Variants in RIMS2 observed in about 807,000 individuals in gnomAD.
RIMS2 encodes regulating synaptic membrane exocytosis 2.
A neutral mutation model predicts 174.4 loss-of-function variants in RIMS2; 59 were observed. The observed-to-expected ratio is 0.34, with a 90% CI of 0.27 to 0.42. The LOEUF (loss-of-function observed/expected upper bound fraction) is 0.42. Ranked by LOEUF, RIMS2 falls within the 10% of genes least tolerant of loss-of-function variation. The pLI is 1.00. For synonymous variants in RIMS2, 606 were observed against 572.5 expected, an observed-to-expected ratio of 1.06 and a Z score of -0.84; for missense variants, 1,620 against 1,666.3, an observed-to-expected ratio of 0.97 and a Z score of 0.48.
At chr8:103,973,922 T>G (rs1229457864) in intron 15 of RIMS2, among the ~76,000 whole-genome samples, 1 of 152,164 alleles carries the variant, frequency 6.6e-6, no homozygotes, top group Non-Finnish European at 1.5e-5. Flanking sequence ...GAGAATTGCC[T>G]GGTCAAATGG....
chr8:104,073,733 G>T (rs1009861172), intron 19 of RIMS2, among the ~76,000 whole-genome samples: 2 of 152,142 alleles, frequency 1.3e-5, no homozygotes, highest in African/African-American at 4.8e-5. Flanking sequence ...TCCATTTATT[G>T]TGCATGCCTG....
At chr8:103,852,195 G>A (rs930578814) in intron 3 of RIMS2, among the ~76,000 whole-genome samples, 5 of 151,950 alleles carry the variant, frequency 3.3e-5, no homozygotes. Flanking sequence ...TGCCTGAGGG[G>A]AATTAGCATT....
chr8:103,977,958 G>C (rs1461272477), intron 16 of RIMS2, among the ~76,000 whole-genome samples: 1 of 152,200 alleles, frequency 6.6e-6, no homozygotes, highest in Admixed American at 6.5e-5. Flanking sequence ...TCTTTCTGTA[G>C]GTCAGTAGGT....
At chr8:104,191,244 T>C (rs973231732) in intron 19 of RIMS2, among the ~76,000 whole-genome samples, 1 of 152,112 alleles carries the variant, frequency 6.6e-6, no homozygotes, top group African/African-American at 2.4e-5. Context: ...TAAGTCTTAG[T>C]TGTATAAAGA....
chr8:103,927,817 T>G lies in RIMS2; in HGVS notation c.2197-25T>G, dbSNP rs1229631735. On this transcript the variant is annotated intron_variant, in intron 10 of 23. Coordinates refer to ENST00000504942, the Ensembl canonical transcript of RIMS2. ...GTCCTTTTTGGTTTTGTTTTATTGC[T>G]TTTTTCTTTAATTTTGCTTACCAGA... 1.1e-5 allele frequency: 17 copies of G among 1,577,976 alleles called. No individual in the cohort carries two copies. In the South Asian group the frequency reaches 1.6e-4, roughly 15 times the overall value.
intron 19 of RIMS2, among the ~76,000 whole-genome samples, chr8:104,055,226 C>T (rs373483348): frequency 1.1e-3 from 163 of 152,078 alleles, no homozygotes; most frequent in South Asian, 7.3e-3. Context: ...CATTTTAATG[C>T]CATAGTTAAT....
chr8:104,177,645 T>C (rs1437899234), intron 19 of RIMS2, among the ~76,000 whole-genome samples: 1 of 152,168 alleles, frequency 6.6e-6, no homozygotes, highest in East Asian at 1.9e-4. Context: ...TAAGATAATC[T>C]GCTATTTTCA....
intron 4 of RIMS2, among the ~76,000 whole-genome samples, chr8:103,888,327 AAT>A (rs1256611802): frequency 6.6e-6 from 1 of 151,512 alleles, no homozygotes; most frequent in Non-Finnish European, 1.5e-5. Flanking sequence ...TGCTTATTAA[AAT>A]ATAGTTATCT....
chr8:104,238,649 A>G (rs1331008701), intron 19 of RIMS2, among the ~76,000 whole-genome samples: 1 of 152,130 alleles, frequency 6.6e-6, no homozygotes, highest in Non-Finnish European at 1.5e-5. Context: ...TCTTCTACCA[A>G]AGACAAACTA....
chr8:103,502,529 G>A (rs1657797115), intron 1 of RIMS2, among the ~76,000 whole-genome samples: 1 of 152,082 alleles, frequency 6.6e-6, no homozygotes, highest in Non-Finnish European at 1.5e-5. Context: ...TTTATTAACA[G>A]CCTTCAGATA....
In RIMS2 at chr8:103,912,048, G is replaced by A. The variant is rs774196611; in HGVS notation, c.1693-5G>A. 10 of 1,564,790 alleles carry A rather than the reference G, an allele frequency of 6.4e-6. No homozygotes were observed. The highest frequency in any genetic ancestry group is 1.8e-5 in the Admixed American group (1 of 56,422). ...TTTATTTTGTTTGTTGATGCAAAAT[G>A]TCAGCACCCTGTAACCTGGCAACCA... On this transcript the variant is annotated splice_region_variant and splice_polypyrimidine_tract_variant and intron_variant, in intron 5 of 23. Coordinates refer to ENST00000504942, the Ensembl canonical transcript of RIMS2.
In RIMS2 at chr8:103,708,080, C is replaced by T. The variant is rs146991972; in HGVS notation, c.387+10784C>T. On this transcript the variant is annotated intron_variant, in intron 2 of 23. Transcript: ENST00000504942. The stretch of plus-strand genomic sequence containing the variant: ...GATGCAGGCATTCTCTAATGGATAC[C>T]ACCAGAAGGTTTCATGCTGGGTTGC... Among the ~76,000 whole-genome samples, 92 of 152,282 alleles carry T rather than the reference C, an allele frequency of 6.0e-4. No individual in the cohort carries two copies. The Middle Eastern group carries it at 0.024, about 39-fold the overall frequency.
intron 1 of RIMS2, among the ~76,000 whole-genome samples, chr8:103,556,561 CTAAG>C (rs1444518443): frequency 6.6e-6 from 1 of 152,100 alleles, no homozygotes; most frequent in Non-Finnish European, 1.5e-5. Flanking sequence ...AGGACTTCAT[CTAAG>C]TCTTTTGAAT....
downstream of RIMS2, chr8:104,252,009 G>A: frequency 1.7e-6 from 1 of 595,986 alleles, no homozygotes; most frequent in Non-Finnish European, 3.0e-6. Flanking sequence ...GCCCTCAGGT[G>A]AAAGAGCAGA....
At chr8:103,845,697 T>A (rs1269836072) in intron 3 of RIMS2, among the ~76,000 whole-genome samples, 2 of 152,098 alleles carry the variant, frequency 1.3e-5, no homozygotes, top group Non-Finnish European at 2.9e-5. Context: ...GGCTTGAAAG[T>A]TCCCACACTC....
intron 2 of RIMS2, among the ~76,000 whole-genome samples, chr8:103,748,853 C>G (rs201441150): frequency 6.6e-6 from 1 of 151,716 alleles, no homozygotes; most frequent in East Asian, 1.9e-4. Flanking sequence ...CAAGCTGGAG[C>G]GCAATGGCAT....
intron 3 of RIMS2, chr8:103,819,331 G>A (rs947144863): frequency 1.4e-6 from 2 of 1,456,174 alleles, no homozygotes; most frequent in Admixed American, 2.7e-5. Context: ...TGAATTAGAA[G>A]AATAATGACT....
At chr8:103,867,801 C>T (rs2099090928) in intron 3 of RIMS2, among the ~76,000 whole-genome samples, 1 of 151,856 alleles carries the variant, frequency 6.6e-6, no homozygotes, top group African/African-American at 2.4e-5. Flanking sequence ...TAGAGTTAGG[C>T]TATGAAGTTA....
In RIMS2 at chr8:104,084,207, G is replaced by A. The variant is rs561089988; in HGVS notation, c.3334+69592G>A. Among the ~76,000 whole-genome samples, 19 of 151,998 alleles carry A rather than the reference G, an allele frequency of 1.3e-4. No homozygotes were observed. In the East Asian group the frequency reaches 3.3e-3, roughly 26 times the overall value. On this transcript the variant is annotated intron_variant, in intron 19 of 23. Coordinates refer to ENST00000504942, the Ensembl canonical transcript of RIMS2. ...TGTAATCCCAGCAATTTGGGAGGCC[G>A]AGGCGGGTGGATCACTTGACGTCAG...
Sources: gnomAD v4.1 joint callset for allele counts (sites outside exome capture counted in the v4.1 genomes callset) on GRCh38, gnomAD v4.1.1 for gene constraint, MANE v1.5 for transcripts, NCBI Gene and HGNC (gene_info 2026-07-23, HGNC 2026-07-21) for gene names.